The following ATP13A3 variants were observed in gnomAD, a reference collection of about 807,000 sequenced individuals.
The protein encoded by ATP13A3 is ATPase 13A3, also known as polyamine-transporting ATPase 13A3.
A neutral mutation model predicts 158.1 loss-of-function variants in ATP13A3; 59 were observed. The observed-to-expected ratio is 0.37, with a 90% CI of 0.30 to 0.46. The LOEUF is 0.46. Ranked by LOEUF, ATP13A3 falls within the 20% of genes least tolerant of loss-of-function variation. The pLI is 1.00. For synonymous variants in ATP13A3, 491 were observed against 504.3 expected (o/e 0.97, Z 0.35); for missense variants, 1,166 against 1,525.2 (o/e 0.76, Z 3.92).
rs994976598 is a variant in ATP13A3, at chr3:194,405,677, T to A, written c.*242A>T. The A allele has an allele frequency of 1.2e-4, 53 of 428,042 alleles. No homozygotes were observed. The highest frequency in any genetic ancestry group is 9.0e-4 in the African/African-American group (45 of 49,822). 26.5% of individuals were successfully genotyped at this position (428,042 alleles called of 1,614,324 possible). A position where few individuals can be genotyped will look rare whatever the true frequency, so the allele number is the denominator to read the frequency against. On this transcript the variant is annotated 3_prime_UTR_variant, in exon 34 of 34. Transcript: ENST00000645319. The stretch of plus-strand genomic sequence containing the variant: ...AACAATCAAGAAAATTCTGGAAATG[T>A]ATGTAATATTTGGGTTGCTGAATGA...
intron 2 of ATP13A3, among the ~76,000 whole-genome samples, chr3:194,483,476 G>A (rs919725532): frequency 6.7e-6 from 1 of 148,366 alleles, no homozygotes; most frequent in African/African-American, 2.5e-5. Flanking sequence ...TGTGGTCCCA[G>A]CTACTCTGGA....
chr3:194,470,886 G>A (rs1054925119), intron 2 of ATP13A3, among the ~76,000 whole-genome samples: 1 of 152,140 alleles, frequency 6.6e-6, no homozygotes, highest in Non-Finnish European at 1.5e-5. Flanking sequence ...TGAATATTCA[G>A]AACTGGCAGA....
chr3:194,422,709 C>A (rs563349211), intron 30 of ATP13A3, among the ~76,000 whole-genome samples: 1 of 151,922 alleles, frequency 6.6e-6, no homozygotes, highest in South Asian at 2.1e-4. Context: ...AAAGGATTTC[C>A]TTCATATTTT....
Position 194,460,012 on chromosome 3 carries a change from T to C in ATP13A3, c.226-41A>G, listed in dbSNP as rs181043634. 2.2e-4 allele frequency: 323 copies of C among 1,461,094 alleles called. 2 individuals are homozygous for C. The African/African-American group carries it at 4.1e-3, about 19-fold the overall frequency. 90.5% of individuals were successfully genotyped at this position (1,461,094 alleles called of 1,614,324 possible). ...GGATAACGGTAAGGAGTCAATTTTA[T>C]AGAAAACTGCCTATATTTTCATTTA... is the stretch of plus-strand genomic sequence containing the variant. On this transcript the variant is annotated intron_variant, in intron 4 of 33. Coordinates refer to ENST00000645319, the MANE Select transcript of ATP13A3 (RefSeq NM_001367549.1).
chr3:194,436,521 T>A (rs115245883), intron 20 of ATP13A3, among the ~76,000 whole-genome samples: 2 of 152,200 alleles, frequency 1.3e-5, no homozygotes, highest in African/African-American at 4.8e-5. Context: ...TGACACATAG[T>A]GGGCACATAA....
At chr3:194,433,380 AC>A (rs1269287857) in intron 21 of ATP13A3, among the ~76,000 whole-genome samples, 10 of 151,862 alleles carry the variant, frequency 6.6e-5, no homozygotes, top group African/African-American at 2.2e-4. Context: ...AGTAGCTGGG[AC>A]TACAGGCACC....
Position 194,447,839 on chromosome 3 carries a change from C to G in ATP13A3, c.1308+13G>C. On this transcript the variant is annotated intron_variant, in intron 13 of 33. Coordinates refer to ENST00000645319, the MANE Select transcript of ATP13A3 (RefSeq NM_001367549.1). ...TTGAGGTTCAAACCCTATTAAGAGT[C>G]CCACATACATACCTCATTTAAAATG... The G allele has an allele frequency of 1.3e-6, 2 of 1,598,180 alleles. No individual in the cohort carries two copies. Among genetic ancestry groups the G allele is most frequent in the Non-Finnish European group, 8.6e-7 (1 of 1,166,700 alleles).
intron 2 of ATP13A3, among the ~76,000 whole-genome samples, chr3:194,477,278 C>A (rs1720565298): frequency 6.6e-6 from 1 of 152,142 alleles, no homozygotes; most frequent in Non-Finnish European, 1.5e-5. Context: ...GAGCACTTTT[C>A]CAACAACGTT....
chr3:194,418,346 A>C (rs973643785), intron 31 of ATP13A3, among the ~76,000 whole-genome samples: 3 of 152,192 alleles, frequency 2.0e-5, no homozygotes, highest in African/African-American at 7.2e-5. Flanking sequence ...TTTTAAAAAG[A>C]GATATTATAA....
chr3:194,412,148 C>T (rs570453014), intron 33 of ATP13A3, 51 bp downstream of exon 33: 1 of 1,382,414 alleles, frequency 7.2e-7, no homozygotes, highest in South Asian at 1.2e-5. Flanking sequence ...AGTACACAAG[C>T]AGAGAGCCTA....
chr3:194,428,804 T>A (rs760681991), intron 28 of ATP13A3, 41 bp downstream of exon 28: 11 of 1,428,208 alleles, frequency 7.7e-6, no homozygotes, highest in Non-Finnish European at 1.1e-5. Context: ...ACATCAGAAT[T>A]TCATACACTT....
intron 2 of ATP13A3, among the ~76,000 whole-genome samples, chr3:194,468,634 C>T (rs1720141580): frequency 6.6e-6 from 1 of 152,114 alleles, no homozygotes; most frequent in South Asian, 2.1e-4. Flanking sequence ...TTGCTTCAAA[C>T]CTGAGTTTCT....
intron 10 of ATP13A3, chr3:194,452,146 G>A (rs12629455): frequency 0.016 from 2,495 of 152,208 alleles, 38 homozygotes; most frequent in East Asian, 0.047. Context: ...CTTGAGGCCA[G>A]GAGTACCAAA....
intron 29 of ATP13A3, among the ~76,000 whole-genome samples, chr3:194,426,830 T>C (rs1397261141): frequency 6.6e-6 from 1 of 151,952 alleles, no homozygotes; most frequent in East Asian, 1.9e-4. Flanking sequence ...CCCGGCTAAT[T>C]TTTGTATTTT....
chr3:194,423,832 TTC>T (rs999613865), intron 30 of ATP13A3, among the ~76,000 whole-genome samples: 2 of 152,096 alleles, frequency 1.3e-5, no homozygotes, highest in Non-Finnish European at 2.9e-5. Flanking sequence ...TATTCTCCCT[TTC>T]TCTTTTTTAA....
At chr3:194,408,387 CT>C (rs1162987467) in intron 33 of ATP13A3, among the ~76,000 whole-genome samples, 1 of 152,064 alleles carries the variant, frequency 6.6e-6, no homozygotes, top group African/African-American at 2.4e-5. Flanking sequence ...TGACTGCTGA[CT>C]TTTTTTAAAA....
chr3:194,418,281 G>A (rs1716036363), intron 31 of ATP13A3, among the ~76,000 whole-genome samples: 1 of 151,936 alleles, frequency 6.6e-6, no homozygotes, highest in Non-Finnish European at 1.5e-5. Flanking sequence ...TGAGACACGA[G>A]GAACAAATAA....
intron 2 of ATP13A3, chr3:194,468,220 GCTC>G (rs1297579200): frequency 6.6e-6 from 1 of 151,956 alleles, no homozygotes; most frequent in Non-Finnish European, 1.5e-5. Flanking sequence ...CACTCGTAGA[GCTC>G]CTATTATTTG....
Position 194,459,883 on chromosome 3 carries a change from T to TAA in ATP13A3, c.313_314insTT (p.Lys105IlefsTer11), listed in dbSNP as rs755746836. The TAA allele has an allele frequency of 6.2e-7, 1 of 1,613,240 alleles. No individual in the cohort carries two copies. The highest frequency in any genetic ancestry group is 8.5e-7 in the Non-Finnish European group (1 of 1,179,408). On this transcript the variant is annotated frameshift_variant, in exon 5 of 34. Transcript: ENST00000645319. LOFTEE classifies it high-confidence loss of function. ...ACAAACTGCATGGCCATTTGAAAGC[T>TAA]TATTAGACATAGATTTTGGACTTGA...
Sources: gnomAD v4.1 joint callset for allele counts (sites outside exome capture counted in the v4.1 genomes callset) on GRCh38, gnomAD v4.1.1 for gene constraint, MANE v1.5 for transcripts, NCBI Gene and HGNC (gene_info 2026-07-23, HGNC 2026-07-21) for gene names.